Variants in RABGGTA observed in about 807,000 individuals in gnomAD.
RABGGTA encodes the protein Rab geranylgeranyltransferase subunit alpha.
A neutral mutation model predicts 83.3 loss-of-function variants in RABGGTA; 69 were observed. The observed-to-expected ratio is 0.83, with a 90% CI of 0.68 to 1.01. The LOEUF (loss-of-function observed/expected upper bound fraction) is 1.01. Among genes scored for constraint, RABGGTA ranks in the 50% least tolerant of loss-of-function variants. RABGGTA has a pLI of 0.00. For missense variants in RABGGTA, 681 were observed against 712.7 expected (o/e 0.96, Z 0.51); for synonymous variants, 310 against 299.8 (o/e 1.03, Z -0.35).
In RABGGTA at chr14:24,265,554, GC is replaced by G; in HGVS notation, c.*60del. 1 of 1,567,040 alleles carries G rather than the reference GC, an allele frequency of 6.4e-7. No individual in the cohort carries two copies. On this transcript the variant is annotated 3_prime_UTR_variant, in exon 17 of 17. Transcript: ENST00000216840. ...GACAACAGCTTGGTAGCCTGAGAGGGCCTCTCCATTCTTTATTCAGTCCCAA... is the reference window on the plus strand; with the variant it reads ...GACAACAGCTTGGTAGCCTGAGAGGGCTCTCCATTCTTTATTCAGTCCCAA...
Position 24,270,891 on chromosome 14 carries a change from C to T in RABGGTA, c.60G>A (p.Glu20=). The T allele has an allele frequency of 6.2e-7, 1 of 1,614,026 alleles. No individual in the cohort carries two copies. The change falls in exon 3 of 17, where the codon GAG becomes GAA. Residue 20 remains glutamate, a synonymous_variant. Coordinates refer to ENST00000216840, the MANE Select transcript of RABGGTA (RefSeq NM_182836.3). ...GGTATAGCTTCAGCTTCTGCTCTCGCTCTAGCCTTTTGGCCTCCGCCTGCT... is the reference window on the plus strand; with the variant it reads ...GGTATAGCTTCAGCTTCTGCTCTCGTTCTAGCCTTTTGGCCTCCGCCTGCT... The part of the protein sequence containing the change: ...SEEQAEAKRL[E]REQKLKLYQS...
At chr14:24,269,185 G>A (rs376558061) in intron 6 of RABGGTA, 22 bp from the exon 7 acceptor site, 1 of 1,598,072 alleles carries the variant, frequency 6.3e-7, no homozygotes, top group Non-Finnish European at 8.5e-7. Flanking sequence ...CAGGAGGCAT[G>A]GGGCTGTGGT....
rs774640470 is a variant in RABGGTA at position 24,268,932 on chromosome 14, G to A, written c.777C>T (p.Val259=). The A allele has an allele frequency of 6.9e-6, 11 of 1,586,662 alleles. No individual in the cohort carries two copies. The East Asian group carries it at 2.1e-4, about 30-fold the overall frequency. Residue 259 remains valine, a synonymous_variant, in exon 8 of 17, where the codon GTC becomes GTT. Coordinates refer to ENST00000216840, the MANE Select transcript of RABGGTA (RefSeq NM_182836.3). ...TCACTAAGAGGGGCCGAGAGAAGGA[G>A]ACAGTCAGACAGGCCTCGTCCCGGC... is the stretch of plus-strand genomic sequence containing the variant. ...HVSRDEACLT[V]SFSRPLLVGS... is the part of the protein sequence containing the mutation.
chr14:24,266,266 T>C (rs1258013045), intron 16 of RABGGTA, among the ~76,000 whole-genome samples, 164 bp downstream of exon 16: 4 of 152,072 alleles, frequency 2.6e-5, no homozygotes, highest in Admixed American at 2.6e-4. Context: ...TGCAGGTCAG[T>C]GATAGCCCGA....
intron 5 of RABGGTA, 114 bp from the exon 6 acceptor site, chr14:24,269,808 G>A (rs2040922581): frequency 2.1e-6 from 3 of 1,424,178 alleles, no homozygotes; most frequent in Non-Finnish European, 1.9e-6. Context: ...ACTCCACGGA[G>A]GATGCATTTG....
At chr14:24,269,875 A>G in intron 5 of RABGGTA, 78 bp downstream of exon 5, 1 of 1,537,122 alleles carries the variant, frequency 6.5e-7, no homozygotes, top group Non-Finnish European at 8.8e-7. Context: ...ATCCCTCCCC[A>G]TTCTGGGCCT....
In RABGGTA at chr14:24,268,417, C is replaced by T. The variant is rs200570806; in HGVS notation, c.1010G>A (p.Arg337His). The change falls in exon 11 of 17, where the codon CGC (arginine) becomes CAC (histidine). Residue 337 changes from arginine to histidine, a missense_variant. By Grantham distance (29) the Arg-to-His change is conservative (BLOSUM62 0). Around this residue, in one of 5 missense-constraint regions of RABGGTA, gnomAD observed 421 missense variants for 418.5 expected, o/e 1.01. Transcript: ENST00000216840. Reference protein sequence around the residue: ...VQKECVLLKGRQEGWCRDSTT... With the variant: ...VQKECVLLKGHQEGWCRDSTT... The stretch of plus-strand genomic sequence containing the variant: ...GGAGTCCCGGCACCAGCCCTCCTGG[C>T]GGCCTGGGGAAAGAGTAGGTGGTTG... 122 of 1,613,510 alleles carry T rather than the reference C, an allele frequency of 7.6e-5. No individual in the cohort carries two copies. The highest frequency in any genetic ancestry group is 9.4e-5 in the Non-Finnish European group (111 of 1,179,904).
rs1314703621 is a variant in RABGGTA, at chr14:24,271,098, G to A, written c.3+15C>T. The A allele has an allele frequency of 3.8e-6, 6 of 1,559,604 alleles. No homozygotes were observed. Among genetic ancestry groups the A allele is most frequent in the Non-Finnish European group, 5.2e-6 (6 of 1,152,374 alleles). On this transcript the variant is annotated intron_variant, in intron 2 of 16. Transcript: ENST00000216840. ...CGGGCCTGCGGAGGTGAAGGGCTGG[G>A]CTCAGGGTTCTCACCATGGTGCCGG... is the stretch of plus-strand genomic sequence containing the variant.
rs757205231 is a variant in RABGGTA, at chr14:24,268,715, C to G, written c.900+10G>C. ...AGACCCCAACTTCTGCCCCACCAAT[C>G]CTGGGATACCCAGACATGGCTGGGC... On this transcript the variant is annotated intron_variant, in intron 9 of 16. Transcript: ENST00000216840. 1.5e-5 allele frequency: 23 copies of G among 1,583,310 alleles called. 1 individual carries two copies.
At chr14:24,268,443 G>T in intron 10 of RABGGTA, 23 bp from the exon 11 acceptor site, 2 of 1,613,092 alleles carry the variant, frequency 1.2e-6, no homozygotes, top group Non-Finnish European at 1.7e-6. Flanking sequence ...TAGGTGGTTG[G>T]AGGGTGCACC....
In RABGGTA at chr14:24,269,480, A is replaced by C; in HGVS notation, c.631+11T>G. ...TGCAGAGTCCTCCTGAGCATCCCTG[A>C]CCCTGGTTACCTTTGAGCAGCACAT... On this transcript the variant is annotated intron_variant, in intron 6 of 16. Transcript: ENST00000216840. 6.4e-7 allele frequency: 1 copy of C among 1,556,360 alleles called. No homozygotes were observed. The highest frequency in any genetic ancestry group is 1.1e-5 in the South Asian group (1 of 89,856).
intron 1 of RABGGTA, 125 bp downstream of exon 1, chr14:24,271,362 T>G: frequency 2.4e-6 from 1 of 408,434 alleles, no homozygotes; most frequent in Non-Finnish European, 4.3e-6. Context: ...TATAGCCCGA[T>G]TCGCCCGGGC....
rs778734234 is a variant in RABGGTA at position 24,268,622 on chromosome 14, G to T, written c.901-3C>A. On this transcript the variant is annotated splice_region_variant and splice_polypyrimidine_tract_variant and intron_variant, in intron 9 of 16. Transcript: ENST00000216840. Reference sequence around the variant, plus strand: ...GAGGCAGCAGGCAGGTCACAGAGCTGGGAGTACTGGGTCAAGGAAATGCCC... The same window carrying T: ...GAGGCAGCAGGCAGGTCACAGAGCTTGGAGTACTGGGTCAAGGAAATGCCC... 5 of 1,613,588 alleles carry T rather than the reference G, an allele frequency of 3.1e-6. No individual in the cohort carries two copies. Among genetic ancestry groups the T allele is most frequent in the Non-Finnish European group, 4.2e-6 (5 of 1,179,574 alleles).
intron 4 of RABGGTA, 87 bp from the exon 5 acceptor site, chr14:24,270,227 A>G: frequency 6.4e-7 from 1 of 1,558,796 alleles, no homozygotes; most frequent in East Asian, 2.4e-5. Context: ...GCCCCCTACT[A>G]TCCTCCATCT....
At position 24,270,435 on chromosome 14, in the gene RABGGTA, C is replaced by T; in HGVS notation, c.138G>A (p.Glu46=). The change falls in exon 4 of 17, where the codon GAG becomes GAA. Residue 46 remains glutamate (E), a synonymous_variant. Transcript: ENST00000216840. ...FQKRQAGELD[E]SVLELTSQIL... is the part of the protein sequence containing the mutation. ...TCTGGCTTGTCAGTTCCAGCACGGA[C>T]TCATCCAGCTCACCAGCCTGGCGCT... is the stretch of plus-strand genomic sequence containing the variant. The T allele has an allele frequency of 6.2e-7, 1 of 1,614,042 alleles. No individual in the cohort carries two copies. Among genetic ancestry groups the T allele is most frequent in the Non-Finnish European group, 8.5e-7 (1 of 1,179,902 alleles).
chr14:24,268,095 G>A lies in RABGGTA; in HGVS notation c.1147+15C>T, dbSNP rs528953339. 256 of 1,613,520 alleles carry A rather than the reference G, an allele frequency of 1.6e-4. No homozygotes were observed. The highest frequency in any genetic ancestry group is 2.0e-4 in the Non-Finnish European group (241 of 1,179,564). ...GCGGGCTCTGGGAGCAGACTCTCAC[G>A]GAATGGGGCCTCACATTTATTCTCA... On this transcript the variant is annotated intron_variant, in intron 12 of 16. Transcript: ENST00000216840.
chr14:24,269,505 T>C lies in RABGGTA; in HGVS notation c.617A>G (p.Asp206Gly). The change falls in exon 6 of 17, where the codon GAT becomes GGT. Residue 206 changes from aspartate (D) to glycine (G), a missense_variant. By Grantham distance (94) the Asp-to-Gly change is moderately conservative. This residue lies in a region of RABGGTA where 122 missense variants were observed against 118.9 expected (regional missense o/e 1.03). Transcript: ENST00000216840. ...DSGPQGRLPEDVLLKELELVQ... is the reference protein window; with the variant it reads ...DSGPQGRLPEGVLLKELELVQ... ...ACCCTGGTTACCTTTGAGCAGCACATCCTCAGGGAGGCGCCCCTGTGGTCC... is the reference window on the plus strand; with the variant it reads ...ACCCTGGTTACCTTTGAGCAGCACACCCTCAGGGAGGCGCCCCTGTGGTCC... 2 of 1,590,008 alleles carry C rather than the reference T, an allele frequency of 1.3e-6. No individual in the cohort carries two copies. Among genetic ancestry groups the C allele is most frequent in the Non-Finnish European group, 1.7e-6 (2 of 1,158,172 alleles).
rs1423785940 is a variant in RABGGTA at position 24,271,134 on chromosome 14, A to C, written c.-19T>G. On this transcript the variant is annotated 5_prime_UTR_variant, in exon 2 of 17. Transcript: ENST00000216840. ...TCACCATGGTGCCGGCTCAGGGTTC[A>C]AGACAGGGGAAGGGTCCAGTGGTAG... 6.5e-7 allele frequency: 1 copy of C among 1,536,812 alleles called. No individual in the cohort carries two copies. Among genetic ancestry groups the C allele is most frequent in the Non-Finnish European group, 8.7e-7 (1 of 1,142,864 alleles).
chr14:24,271,239 G>T lies in RABGGTA; in HGVS notation c.-54-70C>A. 1.0e-5 allele frequency: 13 copies of T among 1,297,744 alleles called. No individual in the cohort carries two copies. In the South Asian group the frequency reaches 2.0e-4, roughly 20 times the overall value. The allele number at this position is 1,297,744 out of a possible 1,614,324, so 80.4% of individuals were successfully genotyped here. A position where few individuals can be genotyped will look rare whatever the true frequency, so the allele number is the denominator to read the frequency against. Reference sequence around the variant, plus strand: ...CCGCCCACAGCTGTGTCCGGAAGCAGCAAGCGTGCCTGGGCAGAGACCCCC... The same window carrying T: ...CCGCCCACAGCTGTGTCCGGAAGCATCAAGCGTGCCTGGGCAGAGACCCCC... On this transcript the variant is annotated intron_variant, in intron 1 of 16. Transcript: ENST00000216840.
Sources: gnomAD v4.1 joint callset for allele counts (sites outside exome capture counted in the v4.1 genomes callset) on GRCh38, gnomAD v4.1.1 for gene constraint, gnomAD v4.1.1 regional missense constraint, MANE v1.5 for transcripts, NCBI Gene and HGNC (gene_info 2026-07-23, HGNC 2026-07-21) for gene names.